The following AFAP1L2 variants were observed in gnomAD, a reference collection of about 807,000 sequenced individuals.
The protein encoded by AFAP1L2 is actin filament associated protein 1 like 2, also known as actin filament-associated protein 1-like 2.
A neutral mutation model predicts 99.3 loss-of-function variants in AFAP1L2; 46 were observed. The ratio of observed to expected loss-of-function variants is 0.46; its 90% CI spans 0.37 to 0.59. The LOEUF (loss-of-function observed/expected upper bound fraction) is 0.59. AFAP1L2 is among the 20% of genes least tolerant of loss of function. The pLI is 0.00. For missense variants in AFAP1L2, 959 were observed against 1,034.9 expected (o/e 0.93, Z 1.01); for synonymous variants, 397 against 419.1 (o/e 0.95, Z 0.64).
intron 8 of AFAP1L2, among the ~76,000 whole-genome samples, chr10:114,309,559 T>A (rs941575461): frequency 2.4e-4 from 37 of 152,286 alleles, no homozygotes; most frequent in East Asian, 1.4e-3. Flanking sequence ...ACCCCACAGG[T>A]GATGATCCTC....
chr10:114,284,968 G>A, the AFAP1L2 span: 3 of 1,595,176 alleles, frequency 1.9e-6, no homozygotes, highest in Non-Finnish European at 2.6e-6. Flanking sequence ...GAGGCTAACT[G>A]TGGTAGGTAT....
In AFAP1L2 at chr10:114,302,488, G is replaced by C. The variant is rs1318738331; in HGVS notation, c.1285-4C>G. On this transcript the variant is annotated splice_polypyrimidine_tract_variant and splice_region_variant and intron_variant, in intron 11 of 18. Transcript: ENST00000304129. ...CCATTTCCTCGGAAGACTTGGCCTG[G>C]AACGAGGCCAAGAGAGACATAAGCA... 6.8e-6 allele frequency: 11 copies of C among 1,613,858 alleles called. No individual in the cohort carries two copies. The highest frequency in any genetic ancestry group is 1.7e-5 in the Admixed American group (1 of 60,016).
intron 10 of AFAP1L2, chr10:114,305,153 C>CAGG (rs2041948839): frequency 3.3e-6 from 1 of 307,290 alleles, no homozygotes; most frequent in African/African-American, 3.9e-5. Flanking sequence ...GGGGACTGGG[C>CAGG]TGCAGGAGGG....
chr10:114,290,165 G>A, downstream of AFAP1L2: 1 of 1,527,870 alleles, frequency 6.5e-7, no homozygotes, highest in Non-Finnish European at 8.8e-7. Context: ...CCTCTACTGG[G>A]CTTACTTAGG....
intron 1 of AFAP1L2, among the ~76,000 whole-genome samples, chr10:114,376,994 C>A (rs148656241): frequency 1.3e-5 from 2 of 152,288 alleles, no homozygotes; most frequent in Admixed American, 1.3e-4. Context: ...CCCTCACCTG[C>A]TGACCCAACA....
At chr10:114,378,202 A>G (rs496783) in intron 1 of AFAP1L2, among the ~76,000 whole-genome samples, 76,028 of 152,122 alleles carry the variant, frequency 0.5, 19,907 homozygotes, top group African/African-American at 0.67. Context: ...TTTCCGCTTC[A>G]ATGCTAAGCA....
chr10:114,391,789 CA>C (rs2057188010), intron 1 of AFAP1L2, among the ~76,000 whole-genome samples: 1 of 152,132 alleles, frequency 6.6e-6, no homozygotes, highest in Non-Finnish European at 1.5e-5. Flanking sequence ...ACCAATTGAC[CA>C]GCACGTGGAA....
At chr10:114,309,257 TCCAAC>T (rs2042858614) in intron 8 of AFAP1L2, among the ~76,000 whole-genome samples, 2 of 152,200 alleles carry the variant, frequency 1.3e-5, no homozygotes, top group Non-Finnish European at 2.9e-5. Flanking sequence ...CCAACTTCTT[TCCAAC>T]TTTTGTTTTC....
chr10:114,363,199 G>A (rs1411311577), intron 1 of AFAP1L2: 1 of 982,634 alleles, frequency 1.0e-6, no homozygotes, highest in Non-Finnish European at 1.2e-6. Context: ...GGCAACTCTT[G>A]AAATGTATGC....
chr10:114,313,001 G>A (rs2043494379), intron 7 of AFAP1L2, among the ~76,000 whole-genome samples: 1 of 152,122 alleles, frequency 6.6e-6, no homozygotes, highest in South Asian at 2.1e-4. Flanking sequence ...CAGCGGTCCA[G>A]ATCTGTTTCT....
intron 8 of AFAP1L2, among the ~76,000 whole-genome samples, chr10:114,309,067 A>C (rs533523387): frequency 2.0e-4 from 30 of 152,280 alleles, no homozygotes; most frequent in Admixed American, 5.9e-4. Context: ...AGCTGCTGCT[A>C]CTGTTAGAAC....
intron 7 of AFAP1L2, among the ~76,000 whole-genome samples, chr10:114,312,228 G>A (rs1364885751): frequency 6.6e-6 from 1 of 150,846 alleles, no homozygotes; most frequent in Non-Finnish European, 1.5e-5. Context: ...CTGGGGGCAA[G>A]AGCAGAGTGT....
chr10:114,324,331 C>T (rs770476012), intron 4 of AFAP1L2, among the ~76,000 whole-genome samples: 11 of 152,010 alleles, frequency 7.2e-5, no homozygotes, highest in Non-Finnish European at 1.0e-4. Flanking sequence ...GCAACCTCTT[C>T]CTCCCAGGTT....
At chr10:114,360,206 G>C (rs563677631) in intron 1 of AFAP1L2, among the ~76,000 whole-genome samples, 121 of 152,312 alleles carry the variant, frequency 7.9e-4, no homozygotes, top group African/African-American at 2.7e-3. Flanking sequence ...AATTCCTCCT[G>C]CCTGTCGGTC....
chr10:114,294,834 A>G lies in AFAP1L2; in HGVS notation c.*1208T>C, dbSNP rs1469428761. ...TGAACTGAGGAAAACTTCAAATACA[A>G]TGAACATTTTATTTTAAAAAACCTA... On this transcript the variant is annotated 3_prime_UTR_variant, in exon 19 of 19. Coordinates refer to ENST00000304129, the MANE Select transcript of AFAP1L2 (RefSeq NM_001001936.3). The G allele has an allele frequency of 1.0e-6, 1 of 957,094 alleles. No individual in the cohort carries two copies. The highest frequency in any genetic ancestry group is 1.2e-6 in the Non-Finnish European group (1 of 817,906). 59.3% of individuals were successfully genotyped at this position (957,094 alleles called of 1,614,324 possible). A position where few individuals can be genotyped will look rare whatever the true frequency, so the allele number is the denominator to read the frequency against.
intron 4 of AFAP1L2, chr10:114,326,004 T>C: frequency 8.6e-6 from 11 of 1,273,012 alleles, no homozygotes; most frequent in Non-Finnish European, 1.1e-5. Context: ...GGAGAAAAGC[T>C]CTGGGCACCC....
rs140316135 is a variant in AFAP1L2, at chr10:114,315,221, T to G, written c.612+339A>C. Among the ~76,000 whole-genome samples, 9 of 149,610 alleles carry G rather than the reference T, an allele frequency of 6.0e-5. No homozygotes were observed. In the East Asian group the frequency reaches 1.0e-3, roughly 17 times the overall value. Reference sequence around the variant, plus strand: ...TGGGGCTGGGCTGGAGGAGCCTGACTGGACTCCAGCGGACAGGATGTGAAA... The same window carrying G: ...TGGGGCTGGGCTGGAGGAGCCTGACGGGACTCCAGCGGACAGGATGTGAAA... On this transcript the variant is annotated intron_variant, in intron 6 of 18. Transcript: ENST00000304129.
At chr10:114,308,588 G>A in intron 8 of AFAP1L2, 71 bp from the exon 9 acceptor site, 1 of 1,338,276 alleles carries the variant, frequency 7.5e-7, no homozygotes, top group Non-Finnish European at 1.1e-6. Context: ...CAATTGAAGG[G>A]AAAATAATAG....
At chr10:114,368,998 G>A (rs76898590) in intron 1 of AFAP1L2, among the ~76,000 whole-genome samples, 45 of 152,102 alleles carry the variant, frequency 3.0e-4, no homozygotes, top group African/African-American at 5.1e-4. Flanking sequence ...AGTTGGCCAC[G>A]GCAAAACTGA....
Sources: gnomAD v4.1 joint callset for allele counts (sites outside exome capture counted in the v4.1 genomes callset) on GRCh38, gnomAD v4.1.1 for gene constraint, MANE v1.5 for transcripts, NCBI Gene and HGNC (gene_info 2026-07-23, HGNC 2026-07-21) for gene names.